Variants in TMCC2 observed in about 807,000 individuals in gnomAD.
TMCC2 encodes the protein transmembrane and coiled-coil domain family 2.
In TMCC2, 16 loss-of-function variants were observed where a neutral mutation model predicts 49.4. The ratio of observed to expected loss-of-function variants is 0.32; its 90% confidence interval spans 0.22 to 0.49. The LOEUF is 0.49. Among genes scored for constraint, TMCC2 ranks in the 20% least tolerant of loss-of-function variants. The pLI is 0.99. For missense variants in TMCC2, 762 were observed against 989.8 expected (o/e 0.77, Z 3.09); for synonymous variants, 397 against 434.1 (o/e 0.91, Z 1.06).
intron 2 of TMCC2, among the ~76,000 whole-genome samples, chr1:205,248,377 C>G (rs191872353): frequency 4.1e-4 from 63 of 152,308 alleles, no homozygotes; most frequent in African/African-American, 1.5e-3. Flanking sequence ...CCACTGCACT[C>G]CAGCCTGGGT....
chr1:205,240,558 A>G (rs1040956583), intron 1 of TMCC2, among the ~76,000 whole-genome samples: 2 of 152,266 alleles, frequency 1.3e-5, no homozygotes, highest in Non-Finnish European at 2.9e-5. Flanking sequence ...ACAGAAAATC[A>G]TACTAGAGTT....
rs548012846 is a variant in TMCC2 at position 205,228,660 on chromosome 1, C to T, written c.96C>T (p.Asp32=). 3 of 1,613,128 alleles carry T rather than the reference C, an allele frequency of 1.9e-6. No individual in the cohort carries two copies. Among genetic ancestry groups the T allele is most frequent in the Admixed American group, 1.7e-5 (1 of 60,010 alleles). Residue 32 remains aspartate, a synonymous_variant, in exon 1 of 5, where the codon GAC becomes GAT. Transcript: ENST00000358024. Reference sequence around the variant, plus strand: ...CCGCTTCCCACCTGCCGGGCGCGGACCTCCGGCCTGGGGAGACCACGGGTG... The same window carrying T: ...CCGCTTCCCACCTGCCGGGCGCGGATCTCCGGCCTGGGGAGACCACGGGTG... ...EDAASHLPGA[D]LRPGETTGAN...
intron 2 of TMCC2, among the ~76,000 whole-genome samples, chr1:205,258,463 G>A (rs2102586312): frequency 6.6e-6 from 1 of 152,212 alleles, no homozygotes; most frequent in South Asian, 2.1e-4. Context: ...AAGCCGCTTA[G>A]GCTCCCAGGC....
At chr1:205,262,027 T>C (rs1363827165) in intron 2 of TMCC2, among the ~76,000 whole-genome samples, 1 of 152,210 alleles carries the variant, frequency 6.6e-6, no homozygotes, top group African/African-American at 2.4e-5. Context: ...GCATAATCTT[T>C]CCTTTGTTAA....
chr1:205,244,906 G>T (rs1190629775), intron 2 of TMCC2, among the ~76,000 whole-genome samples: 3 of 152,038 alleles, frequency 2.0e-5, no homozygotes, highest in Non-Finnish European at 4.4e-5. Flanking sequence ...ACAGGAGAGG[G>T]CATTGGAGTT....
chr1:205,248,415 A>T (rs891899704), intron 2 of TMCC2, among the ~76,000 whole-genome samples: 5 of 152,188 alleles, frequency 3.3e-5, no homozygotes, highest in African/African-American at 9.7e-5. Flanking sequence ...TCTCCATTTT[A>T]AAAAAATCGT....
chr1:205,241,942 G>C lies in TMCC2; in HGVS notation c.645G>C (p.Gln215His), dbSNP rs1162039649. 2 of 1,611,576 alleles carry C rather than the reference G, an allele frequency of 1.2e-6. No homozygotes were observed. The highest frequency in any genetic ancestry group is 1.1e-5 in the South Asian group (1 of 90,934). Residue 215 changes from glutamine (Q) to histidine (H), a missense_variant, in exon 2 of 5, where the codon CAG (glutamine) becomes CAC (histidine). Physicochemically the swap from Gln to His is conservative, Grantham distance 24. This residue lies in a region of TMCC2 where 322 missense variants were observed against 353.1 expected (regional missense o/e 0.91). Coordinates refer to ENST00000358024, the MANE Select transcript of TMCC2 (RefSeq NM_014858.4). This position sits in a 1 kb window ranked among gnomAD's most constrained non-coding sequence, Gnocchi z 7.3. ...TGGCCGCCATCCTGCACCAGCACCAGTGCCGTCCCCGCTCTTCCTCCACCA... is the reference window on the plus strand; with the variant it reads ...TGGCCGCCATCCTGCACCAGCACCACTGCCGTCCCCGCTCTTCCTCCACCA... ...SSLAAILHQHQCRPRSSSTTD... is the reference protein window; with the variant it reads ...SSLAAILHQHHCRPRSSSTTD...
At position 205,264,312 on chromosome 1, in the gene TMCC2, CTTGTTTT is replaced by C. The variant is rs957814472; in HGVS notation, c.748-4622_748-4616del. 3.9e-5 allele frequency among the ~76,000 whole-genome samples: 6 copies of C among 152,052 alleles called. No homozygotes were observed. Among genetic ancestry groups the C allele is most frequent in the African/African-American group, 7.2e-5 (3 of 41,390 alleles). ...AGAAAATAGTGTGACACTGTTGTTT[CTTGTTTT>C]TTGTTTTTTGTTTTTGTTTTTGAGA... is the stretch of plus-strand genomic sequence containing the variant. On this transcript the variant is annotated intron_variant, in intron 2 of 4. Transcript: ENST00000358024. The surrounding 1 kb of genome is among the most constrained non-coding windows in gnomAD (Gnocchi z 4.2).
intron 1 of TMCC2, chr1:205,230,054 T>C (rs909038617): frequency 2.7e-5 from 27 of 985,362 alleles, no homozygotes; most frequent in Non-Finnish European, 3.1e-5. Context: ...AAGGACTCTG[T>C]TGCATTTAAT....
chr1:205,228,470 A>G lies in TMCC2; in HGVS notation c.-95A>G. On this transcript the variant is annotated 5_prime_UTR_variant, in exon 1 of 5. Coordinates refer to ENST00000358024, the MANE Select transcript of TMCC2 (RefSeq NM_014858.4). ...CATCTCCCCTCCTTGTTAATAATTT[A>G]GACCCCAGGCCTCATATGAATATAA... 9.6e-7 allele frequency: 1 copy of G among 1,042,584 alleles called. No individual in the cohort carries two copies. The highest frequency in any genetic ancestry group is 2.6e-5 in the Admixed American group (1 of 38,496). The allele number at this position is 1,042,584 out of a possible 1,614,324, so 64.6% of individuals were successfully genotyped here. A position where few individuals can be genotyped will look rare whatever the true frequency, so the allele number is the denominator to read the frequency against.
intron 2 of TMCC2, among the ~76,000 whole-genome samples, chr1:205,255,983 CCAA>C (rs1333489828): frequency 9.2e-5 from 14 of 152,288 alleles, no homozygotes; most frequent in African/African-American, 3.1e-4. Flanking sequence ...TTCACAAACC[CCAA>C]GTCATCAGCC....
In TMCC2 at chr1:205,231,021, A is replaced by C. The variant is rs555670112; in HGVS notation, c.207+2250A>C. Among the ~76,000 whole-genome samples, 12 of 95,988 alleles carry C rather than the reference A, an allele frequency of 1.3e-4. No homozygotes were observed. The East Asian group carries it at 4.2e-3, about 34-fold the overall frequency. 63.0% of individuals were successfully genotyped at this position (95,988 alleles called of 152,430 possible). A position where few individuals can be genotyped will look rare whatever the true frequency, so the allele number is the denominator to read the frequency against. On this transcript the variant is annotated intron_variant, in intron 1 of 4. Transcript: ENST00000358024. ...ATCCCCCCCCCCGCCCCCAGAGAAA[A>C]CATACCATTGAACCCAGCAATGTGG...
chr1:205,246,720 A>G (rs547481807), intron 2 of TMCC2: 129 of 1,546,940 alleles, frequency 8.3e-5, no homozygotes, highest in Non-Finnish European at 1.1e-4. Context: ...TTTAAAAATC[A>G]AATTAGAAAA....
At position 205,269,025 on chromosome 1, in the gene TMCC2, G is replaced by A. The variant is rs143954330; in HGVS notation, c.823G>A (p.Val275Met). Residue 275 changes from valine to methionine, a missense_variant, in exon 3 of 5, where the codon GTG becomes ATG. This residue lies in a region of TMCC2 where 440 missense variants were observed against 636.7 expected (regional missense o/e 0.69). Coordinates refer to ENST00000358024, the MANE Select transcript of TMCC2 (RefSeq NM_014858.4). ...CACCGACGGCCCCATCAGCCTGGACGTGCCCGATGGGGCACCGGACCCCCA... is the reference window on the plus strand; with the variant it reads ...CACCGACGGCCCCATCAGCCTGGACATGCCCGATGGGGCACCGGACCCCCA... ...GDTDGPISLD[V>M]PDGAPDPQRT... 7.1e-5 allele frequency: 115 copies of A among 1,613,472 alleles called. No homozygotes were observed. The South Asian group carries it at 9.0e-4, about 13-fold the overall frequency.
chr1:205,245,856 A>T (rs1574842398), intron 2 of TMCC2, among the ~76,000 whole-genome samples: 1 of 150,952 alleles, frequency 6.6e-6, no homozygotes, highest in Non-Finnish European at 1.5e-5. Context: ...GCTCACTGCA[A>T]CCTCCACCTC....
At chr1:205,257,215 CAG>C in intron 2 of TMCC2, 9 of 1,232,446 alleles carry the variant, frequency 7.3e-6, no homozygotes, top group Non-Finnish European at 9.1e-6. Flanking sequence ...ATGGCGGCTG[CAG>C]AGTCTGGGAA....
chr1:205,229,545 C>CGGGGGGGGGGGGGG (rs1241476015), intron 1 of TMCC2: 2 of 283,954 alleles, frequency 7.0e-6, no homozygotes, highest in Non-Finnish European at 7.8e-6. Flanking sequence ...TGTGAAGGGG[C>CGGGGGGGGGGGGGG]GGGGGGGGGG....
chr1:205,261,582 G>C (rs1480842728), intron 2 of TMCC2, among the ~76,000 whole-genome samples: 1 of 152,006 alleles, frequency 6.6e-6, no homozygotes. Context: ...AGGAAGCTGA[G>C]GTGGGAGGAT....
intron 1 of TMCC2, among the ~76,000 whole-genome samples, chr1:205,239,366 T>C (rs976242847): frequency 1.3e-5 from 2 of 152,104 alleles, no homozygotes; most frequent in Non-Finnish European, 2.9e-5. Context: ...CTGCAGGATC[T>C]GGCCTGTTCC....
Sources: gnomAD v4.1 joint callset for allele counts (sites outside exome capture counted in the v4.1 genomes callset) on GRCh38, gnomAD v4.1.1 for gene constraint, gnomAD v4.1.1 regional missense constraint, Gnocchi (gnomAD v3.1) non-coding constraint, MANE v1.5 for transcripts, NCBI Gene and HGNC (gene_info 2026-07-23, HGNC 2026-07-21) for gene names.